The following IDO2 variants were observed in gnomAD, a reference collection of about 807,000 sequenced individuals.
IDO2 encodes the protein indoleamine 2,3-dioxygenase-like 1 protein.
A neutral mutation model predicts 45.1 loss-of-function variants in IDO2; 46 were observed. That is an observed-to-expected ratio of 1.02 (90% CI 0.80 to 1.30). The LOEUF is 1.30. Among genes scored for constraint, IDO2 ranks in the 50% most tolerant of loss-of-function variants. IDO2 has a pLI of 0.00. For missense variants in IDO2, 544 were observed against 491.8 expected, an observed-to-expected ratio of 1.11 and a Z score of -1.00; for synonymous variants, 218 against 184.9, an observed-to-expected ratio of 1.18 and a Z score of -1.45.
At chr8:39,981,643 T>A (rs1009896994) in intron 4 of IDO2, among the ~76,000 whole-genome samples, 4 of 152,192 alleles carry the variant, frequency 2.6e-5, no homozygotes, top group African/African-American at 9.7e-5. Context: ...CTCCAATGCC[T>A]TCTGAGGAAA....
chr8:39,978,068 G>C (rs1257828676), intron 3 of IDO2, among the ~76,000 whole-genome samples: 1 of 152,206 alleles, frequency 6.6e-6, no homozygotes, highest in Admixed American at 6.5e-5. Context: ...AACCCCTGGG[G>C]ATGGTGAATG....
At chr8:39,985,095 C>G (rs916035328) in intron 5 of IDO2, 3 of 305,170 alleles carry the variant, frequency 9.8e-6, no homozygotes, top group African/African-American at 4.5e-5. Context: ...CCACACCCGA[C>G]TAATTTTTGT....
rs1802158553 is a variant in IDO2, at chr8:40,002,731, G to A, written c.668-2596G>A. Among the ~76,000 whole-genome samples the A allele has an allele frequency of 3.3e-5, 5 of 152,160 alleles. No homozygotes were observed. The Middle Eastern group carries it at 0.01, about 311-fold the overall frequency. ...GCAGGCGGGGGGTGCAGTGAGCCGC[G>A]ATCATGCCACTGTACTCCAGCCTGG... On this transcript the variant is annotated intron_variant, in intron 8 of 10. Coordinates refer to ENST00000502986, the Ensembl canonical transcript of IDO2.
At chr8:39,951,494 G>A (rs546999753) in intron 2 of IDO2, among the ~76,000 whole-genome samples, 2 of 152,220 alleles carry the variant, frequency 1.3e-5, no homozygotes, top group African/African-American at 2.4e-5. Flanking sequence ...AGTCGGTCAC[G>A]CTAAGTTGCA....
At chr8:40,013,853 T>C (rs1482204715) in intron 10 of IDO2, 140 bp downstream of exon 10, 1 of 617,050 alleles carries the variant, frequency 1.6e-6, no homozygotes, top group African/African-American at 1.9e-5. Context: ...AGAAACTGCA[T>C]GACTGCCAAT....
chr8:39,942,000 G>A (rs931098711), intron 1 of IDO2, among the ~76,000 whole-genome samples: 6 of 152,182 alleles, frequency 3.9e-5, no homozygotes, highest in African/African-American at 1.4e-4. Flanking sequence ...GGCTGAGGCA[G>A]AAGGATCACT....
intron 3 of IDO2, among the ~76,000 whole-genome samples, chr8:39,971,802 G>T (rs1042460036): frequency 7.2e-6 from 1 of 138,542 alleles, no homozygotes; most frequent in African/African-American, 2.5e-5. Context: ...TCTTACGATT[G>T]AACTTTTCTT....
At chr8:39,955,215 T>C (rs1473934583) in intron 2 of IDO2, among the ~76,000 whole-genome samples, 1 of 147,326 alleles carries the variant, frequency 6.8e-6, no homozygotes, top group Non-Finnish European at 1.5e-5. Context: ...TATTAACCAA[T>C]ATAAACCAAT....
intron 4 of IDO2, among the ~76,000 whole-genome samples, chr8:39,980,728 T>C (rs1215864420): frequency 6.6e-6 from 1 of 152,052 alleles, no homozygotes; most frequent in Non-Finnish European, 1.5e-5. Flanking sequence ...GCCTTGTTAT[T>C]TGTCAATGCA....
chr8:39,939,696 G>GT (rs1327631253), intron 1 of IDO2, among the ~76,000 whole-genome samples: 1 of 94,024 alleles, frequency 1.1e-5, no homozygotes, highest in Admixed American at 1.1e-4. Flanking sequence ...AAATAAAAGA[G>GT]TTAAAAAAAA....
rs1484562131 is a variant in IDO2 at position 39,982,753 on chromosome 8, CA to C, written c.423del (p.Asp142IlefsTer29). ...CAGACTTGGTGCTGACGAACTGGAC[CA>C]AAAAAGATCCAGACGGGTAAGGAAG... On this transcript the variant is annotated frameshift_variant, in exon 5 of 11. Coordinates refer to ENST00000502986, the Ensembl canonical transcript of IDO2. LOFTEE classifies it high-confidence loss of function. 1.9e-6 allele frequency: 3 copies of C among 1,594,792 alleles called. No homozygotes were observed. Among genetic ancestry groups the C allele is most frequent in the Admixed American group, 3.5e-5 (2 of 57,966 alleles).
chr8:39,948,484 C>G (rs754264213), intron 1 of IDO2, among the ~76,000 whole-genome samples: 1 of 152,026 alleles, frequency 6.6e-6, no homozygotes, highest in Non-Finnish European at 1.5e-5. Flanking sequence ...CCTGGAATTT[C>G]TCTGTTAAAG....
chr8:39,954,021 C>A (rs1487368931), intron 2 of IDO2, among the ~76,000 whole-genome samples: 4 of 152,128 alleles, frequency 2.6e-5, no homozygotes. Context: ...CTTAATAACC[C>A]TTTCTGCATT....
At chr8:39,990,901 C>T (rs987058636) in intron 8 of IDO2, among the ~76,000 whole-genome samples, 2 of 152,184 alleles carry the variant, frequency 1.3e-5, no homozygotes, top group Non-Finnish European at 2.9e-5. Context: ...AAATTCTTCT[C>T]TCAGAGGAAT....
At chr8:39,953,811 C>T (rs948528001) in intron 2 of IDO2, among the ~76,000 whole-genome samples, 51 of 152,136 alleles carry the variant, frequency 3.4e-4, no homozygotes, top group African/African-American at 1.1e-3. Context: ...GTGATCCACC[C>T]GCCTCGGCCC....
exon 1 of IDO2, chr8:39,935,138 G>C (rs1407786676): frequency 1.4e-5 from 22 of 1,532,550 alleles, no homozygotes; most frequent in Admixed American, 3.3e-5. Context: ...CTAAAGAACA[G>C]AATGAAAACC....
chr8:39,985,333 C>T, intron 5 of IDO2, 175 bp from the exon 6 acceptor site: 1 of 620,240 alleles, frequency 1.6e-6, no homozygotes, highest in East Asian at 2.8e-5. Flanking sequence ...CCAGCCACAA[C>T]TTGCAGAATT....
At chr8:39,957,737 T>C (rs1807925869) in intron 2 of IDO2, among the ~76,000 whole-genome samples, 1 of 152,218 alleles carries the variant, frequency 6.6e-6, no homozygotes, top group Non-Finnish European at 1.5e-5. Context: ...CACTTTACTT[T>C]GATGCAATGT....
intron 8 of IDO2, among the ~76,000 whole-genome samples, chr8:39,994,254 C>A (rs1418951857): frequency 8.4e-6 from 1 of 119,286 alleles, no homozygotes; most frequent in African/African-American, 3.0e-5. Flanking sequence ...GTTTCTTTTT[C>A]TTTCTTTCTT....
Sources: allele counts gnomAD v4.1 joint callset (sites outside exome capture counted in the v4.1 genomes callset), GRCh38; gene constraint gnomAD v4.1.1; transcripts MANE v1.5; gene names NCBI Gene and HGNC (gene_info 2026-07-23, HGNC 2026-07-21).